The following CDH18 variants were observed in gnomAD, a reference collection of about 807,000 sequenced individuals.
CDH18 encodes cadherin 18.
CDH18 carries 31 observed loss-of-function variants against 67.9 expected under a neutral mutation model. That is an observed-to-expected ratio of 0.46 (90% CI 0.34 to 0.62). CDH18 has a LOEUF of 0.62. Among genes scored for constraint, CDH18 ranks in the 20% least tolerant of loss-of-function variants. The pLI, the probability that CDH18 is intolerant of heterozygous loss-of-function variation, is 0.01. For missense variants in CDH18, 890 were observed against 975.5 expected (o/e 0.91, Z 1.17); for synonymous variants, 362 against 347.2 (o/e 1.04, Z -0.48).
chr5:20,186,061 A>G (rs756237915), intron 2 of CDH18, among the ~76,000 whole-genome samples: 1 of 152,080 alleles, frequency 6.6e-6, no homozygotes. Context: ...GAATTCTTGC[A>G]CTGATAAATG....
intron 2 of CDH18, among the ~76,000 whole-genome samples, chr5:19,854,466 G>A (rs768519459): frequency 6.6e-6 from 1 of 151,962 alleles, no homozygotes; most frequent in Non-Finnish European, 1.5e-5. Context: ...AATAAAAGGT[G>A]GTCAGCATGT....
At chr5:20,331,378 C>CA in intron 1 of CDH18, 1 of 152,288 alleles carries the variant, frequency 6.6e-6, no homozygotes, top group East Asian at 1.9e-4. Flanking sequence ...CTTCGCTTCT[C>CA]ACCATGATTC....
At chr5:19,978,938 T>G (rs1007681242) in intron 2 of CDH18, among the ~76,000 whole-genome samples, 1 of 152,114 alleles carries the variant, frequency 6.6e-6, no homozygotes, top group Admixed American at 6.6e-5. Flanking sequence ...GTTACAGCGA[T>G]TAGTATGTGA....
chr5:20,122,810 GTA>G lies in CDH18; in HGVS notation c.-517-130798_-517-130797del, dbSNP rs138170795. On this transcript the variant is annotated intron_variant, in intron 2 of 14. Transcript: ENST00000507958. ...TTTTCTAATTCGATATGAATACAAA[GTA>G]TATATATATATATATACATATATAT... Among the ~76,000 whole-genome samples, 2,457 of 142,268 alleles carry G rather than the reference GTA, an allele frequency of 0.017. 189 individuals are homozygous for G. In the East Asian group the frequency reaches 0.27, roughly 16 times the overall value. 93.3% of individuals were successfully genotyped at this position (142,268 alleles called of 152,430 possible).
At chr5:19,722,538 C>T (rs537403393) in intron 4 of CDH18, among the ~76,000 whole-genome samples, 3 of 149,830 alleles carry the variant, frequency 2.0e-5, no homozygotes, top group Admixed American at 6.8e-5. Flanking sequence ...TTTTAAAACA[C>T]GATTTGCATA....
Position 20,023,520 on chromosome 5 carries a change from G to A in CDH18, c.-517-31506C>T, listed in dbSNP as rs544719512. On this transcript the variant is annotated intron_variant, in intron 2 of 14. Coordinates refer to the CDH18 transcript ENST00000507958. ...TAAAAATACAAAGAAATAGCCGGGC[G>A]TGGTGGCGGGCACCTGTACTCCCAG... is the stretch of plus-strand genomic sequence containing the variant. 2.6e-5 allele frequency among the ~76,000 whole-genome samples: 4 copies of A among 152,042 alleles called. 1 individual carries two copies. In the South Asian group the frequency reaches 6.3e-4, roughly 24 times the overall value.
intron 9 of CDH18, among the ~76,000 whole-genome samples, chr5:19,543,452 G>A (rs1735754633): frequency 6.6e-6 from 1 of 152,032 alleles, no homozygotes; most frequent in East Asian, 1.9e-4. Context: ...CTTGAGCAGA[G>A]GTATTATATT....
At chr5:20,248,604 T>A (rs1580579249) in intron 2 of CDH18, among the ~76,000 whole-genome samples, 1 of 152,170 alleles carries the variant, frequency 6.6e-6, no homozygotes, top group African/African-American at 2.4e-5. Context: ...AACAACTCTA[T>A]CTAGAAACCA....
chr5:20,332,723 AACT>A (rs1449020277), intron 1 of CDH18, among the ~76,000 whole-genome samples: 1 of 152,230 alleles, frequency 6.6e-6, no homozygotes, highest in Non-Finnish European at 1.5e-5. Context: ...AAGAAATTTG[AACT>A]ATACCTACAT....
chr5:20,145,903 C>T (rs1750608302), intron 2 of CDH18, among the ~76,000 whole-genome samples: 1 of 152,194 alleles, frequency 6.6e-6, no homozygotes, highest in Non-Finnish European at 1.5e-5. Context: ...TTCCCATTCT[C>T]TAAGGACAAA....
At chr5:20,287,340 G>C (rs1291050431) in intron 1 of CDH18, among the ~76,000 whole-genome samples, 1 of 151,608 alleles carries the variant, frequency 6.6e-6, no homozygotes, top group Admixed American at 6.6e-5. Context: ...TAGAATGTTA[G>C]GCATAGAGTG....
intron 2 of CDH18, among the ~76,000 whole-genome samples, chr5:20,000,188 G>A (rs1187304476): frequency 6.6e-6 from 1 of 152,168 alleles, no homozygotes; most frequent in Non-Finnish European, 1.5e-5. Flanking sequence ...CGTTGGCCTA[G>A]TGGGGATACT....
chr5:19,490,705 G>A (rs763156755), intron 11 of CDH18, among the ~76,000 whole-genome samples: 22 of 151,870 alleles, frequency 1.4e-4, no homozygotes, highest in South Asian at 6.2e-4. Flanking sequence ...GGGCCACTGC[G>A]CCCAGCCAAA....
chr5:19,752,154 G>A (rs934359849), intron 3 of CDH18, among the ~76,000 whole-genome samples: 2 of 152,170 alleles, frequency 1.3e-5, no homozygotes, highest in Non-Finnish European at 2.9e-5. Context: ...AAATACAGGG[G>A]TAGAGGAAGC....
chr5:20,352,892 A>G (rs189299859), intron 1 of CDH18, among the ~76,000 whole-genome samples: 2 of 151,994 alleles, frequency 1.3e-5, no homozygotes, highest in Admixed American at 1.3e-4. Flanking sequence ...TTCTTGCTAG[A>G]TATCCTCATC....
At chr5:20,031,578 C>T (rs1739403627) in intron 2 of CDH18, among the ~76,000 whole-genome samples, 1 of 151,928 alleles carries the variant, frequency 6.6e-6, no homozygotes, top group Admixed American at 6.6e-5. Context: ...ATTGGGAAGT[C>T]AGGTAGTGAC....
chr5:20,198,686 A>G (rs1227837630), intron 2 of CDH18, among the ~76,000 whole-genome samples: 1 of 152,132 alleles, frequency 6.6e-6, no homozygotes, highest in Admixed American at 6.5e-5. Flanking sequence ...TATGGGAAAA[A>G]TGTCTCCAGG....
intron 2 of CDH18, among the ~76,000 whole-genome samples, chr5:20,201,594 T>G (rs533376738): frequency 6.6e-6 from 1 of 152,260 alleles, no homozygotes; most frequent in African/African-American, 2.4e-5. Context: ...AACATATAAA[T>G]AGCTACATAT....
chr5:19,929,016 T>C (rs73059683), intron 2 of CDH18, among the ~76,000 whole-genome samples: 2,147 of 152,188 alleles, frequency 0.014, 54 homozygotes, highest in African/African-American at 0.047. Context: ...CTTAATTACA[T>C]CATGGGAGTG....
Sources: gnomAD v4.1 joint callset for allele counts (sites outside exome capture counted in the v4.1 genomes callset) on GRCh38, gnomAD v4.1.1 for gene constraint, MANE v1.5 for transcripts, NCBI Gene and HGNC (gene_info 2026-07-23, HGNC 2026-07-21) for gene names.